The following DDX10 variants were observed in gnomAD, a reference collection of about 807,000 sequenced individuals.
DDX10 encodes the protein DEAD-box helicase 10, also known as probable ATP-dependent RNA helicase DDX10.
Under a neutral mutation model 104.3 loss-of-function variants are expected in DDX10, and 74 were observed. That is an observed-to-expected ratio of 0.71 (90% CI 0.59 to 0.86). The LOEUF is 0.86. Among genes scored for constraint, DDX10 ranks in the 40% least tolerant of loss-of-function variants. DDX10 has a pLI of 0.00. For synonymous variants in DDX10, 351 were observed against 353.4 expected (o/e 0.99, Z 0.08); for missense variants, 952 against 1,040.0 (o/e 0.92, Z 1.16).
intron 13 of DDX10, among the ~76,000 whole-genome samples, chr11:108,751,241 T>A (rs2094338350): frequency 6.6e-6 from 1 of 152,112 alleles, no homozygotes; most frequent in Admixed American, 6.6e-5. Context: ...AGTAAATATG[T>A]AAGTAAACCT....
At chr11:108,786,708 C>A (rs1362345144) in intron 13 of DDX10, among the ~76,000 whole-genome samples, 3 of 152,096 alleles carry the variant, frequency 2.0e-5, no homozygotes, top group African/African-American at 4.8e-5. Flanking sequence ...CATGATAGGT[C>A]TTTATTTTTA....
intron 1 of DDX10, among the ~76,000 whole-genome samples, chr11:108,671,397 C>T: frequency 6.6e-6 from 1 of 152,234 alleles, no homozygotes; most frequent in Non-Finnish European, 1.5e-5. Context: ...CTCCTGACCC[C>T]AGGTGATCCG....
chr11:108,855,140 T>C (rs1290379382), intron 16 of DDX10, among the ~76,000 whole-genome samples: 2 of 152,224 alleles, frequency 1.3e-5, no homozygotes, highest in Non-Finnish European at 1.5e-5. Flanking sequence ...GTTTTTACTT[T>C]AGCTAACAAG....
chr11:108,692,543 G>A (rs1029083271), intron 8 of DDX10, among the ~76,000 whole-genome samples: 1 of 152,182 alleles, frequency 6.6e-6, no homozygotes, highest in Admixed American at 6.5e-5. Flanking sequence ...AGGAAAACTA[G>A]ACTTAGGAAC....
At chr11:108,862,760 A>T (rs982555290) in intron 16 of DDX10, among the ~76,000 whole-genome samples, 1 of 152,170 alleles carries the variant, frequency 6.6e-6, no homozygotes, top group African/African-American at 2.4e-5. Context: ...TAAACTTATG[A>T]GGTGGTTTGG....
intron 16 of DDX10, among the ~76,000 whole-genome samples, chr11:108,858,166 T>C (rs1862895345): frequency 6.6e-6 from 1 of 152,226 alleles, no homozygotes; most frequent in Non-Finnish European, 1.5e-5. Flanking sequence ...CTGCCTAGGA[T>C]ATCTTCTCCT....
chr11:108,832,340 T>C (rs1862484249), intron 13 of DDX10, among the ~76,000 whole-genome samples: 1 of 152,136 alleles, frequency 6.6e-6, no homozygotes, highest in African/African-American at 2.4e-5. Context: ...TTACATAAAT[T>C]AAAAACTTCA....
intron 16 of DDX10, among the ~76,000 whole-genome samples, chr11:108,866,445 C>A (rs934508227): frequency 1.3e-5 from 2 of 152,016 alleles, no homozygotes. Flanking sequence ...ACTTTGGAGA[C>A]CATTTCAGTA....
intron 9 of DDX10, 30 bp from the exon 10 acceptor site, chr11:108,706,709 G>A (rs2094276647): frequency 6.6e-7 from 1 of 1,514,864 alleles, no homozygotes; most frequent in Admixed American, 1.7e-5. Flanking sequence ...TTGCATTGAT[G>A]TGTTAAAGAT....
chr11:108,919,212 G>C (rs1279087411), intron 17 of DDX10: 1 of 152,166 alleles, frequency 6.6e-6, no homozygotes, highest in African/African-American at 2.4e-5. Flanking sequence ...ACAACTAGGT[G>C]GTTGAACATA....
chr11:108,668,304 C>G (rs2094212595), intron 1 of DDX10, among the ~76,000 whole-genome samples: 1 of 152,152 alleles, frequency 6.6e-6, no homozygotes, highest in Non-Finnish European at 1.5e-5. Flanking sequence ...TAGTCTGATA[C>G]CAGTGCACCA....
intron 17 of DDX10, among the ~76,000 whole-genome samples, chr11:108,933,889 G>C (rs1864005131): frequency 2.0e-5 from 3 of 152,156 alleles, no homozygotes; most frequent in Admixed American, 2.0e-4. Flanking sequence ...CAGCCCAGTG[G>C]GTTTATTCAT....
rs61996353 is a variant in DDX10, at chr11:108,677,107, T to G, written c.401T>G (p.Leu134Arg). The change falls in exon 4 of 18, where the codon CTG becomes CGG. Residue 134 changes from leucine to arginine, a missense_variant. Around this residue, in one of 3 missense-constraint regions of DDX10, gnomAD observed 412 missense variants for 479.2 expected, o/e 0.86. Transcript: ENST00000322536. Reference sequence around the variant, plus strand: ...GAGGTGCTGGAAGCCTTATATCGTCTGCAATGGACTTCAACAGATGGGCTG... The same window carrying G: ...GAGGTGCTGGAAGCCTTATATCGTCGGCAATGGACTTCAACAGATGGGCTG... ...LVPVLEALYR[L>R]QWTSTDGLGV... 100 of 1,612,766 alleles carry G rather than the reference T, an allele frequency of 6.2e-5. No individual in the cohort carries two copies. In the African/African-American group the frequency reaches 1.1e-3, roughly 17 times the overall value.
At chr11:108,809,672 G>T (rs933394240) in intron 13 of DDX10, among the ~76,000 whole-genome samples, 2 of 152,160 alleles carry the variant, frequency 1.3e-5, no homozygotes, top group Non-Finnish European at 2.9e-5. Flanking sequence ...AGACACAGAC[G>T]TGATGAAGTC....
At chr11:108,865,631 C>A (rs150868398) in intron 16 of DDX10, among the ~76,000 whole-genome samples, 18 of 152,022 alleles carry the variant, frequency 1.2e-4, no homozygotes, top group African/African-American at 4.3e-4. Context: ...CATAGAGGAT[C>A]TCGAATACCA....
intron 10 of DDX10, among the ~76,000 whole-genome samples, chr11:108,712,440 T>C (rs1392611727): frequency 2.0e-5 from 3 of 152,130 alleles, no homozygotes; most frequent in Admixed American, 6.5e-5. Flanking sequence ...CTCCTTAGCA[T>C]ACCAGTTTTT....
chr11:108,716,060 G>A (rs2094290885), intron 11 of DDX10, 94 bp downstream of exon 11: 5 of 733,842 alleles, frequency 6.8e-6, no homozygotes, highest in Middle Eastern at 7.3e-4. Context: ...TTATGCTTCA[G>A]ATATTCAAGC....
intron 17 of DDX10, among the ~76,000 whole-genome samples, chr11:108,928,549 G>A (rs773979888): frequency 2.0e-5 from 3 of 152,192 alleles, no homozygotes; most frequent in Non-Finnish European, 4.4e-5. Context: ...TTAGAACAAA[G>A]GCAGGCTACT....
chr11:108,723,177 A>G lies in DDX10; in HGVS notation c.1680A>G (p.Gln560=), dbSNP rs1405647061. The G allele has an allele frequency of 1.2e-6, 2 of 1,613,714 alleles. No homozygotes were observed. The highest frequency in any genetic ancestry group is 1.6e-4 in the Middle Eastern group (1 of 6,082). Residue 560 remains glutamine, a synonymous_variant, in exon 13 of 18, where the codon CAA becomes CAG. Coordinates refer to ENST00000322536, the MANE Select transcript of DDX10 (RefSeq NM_004398.4). The part of the protein sequence containing the change: ...AYFNEKMSIL[Q]KGGKRLEGTE... ...TCAATGAGAAAATGTCCATCCTTCA[A>G]AAAGGTGGAAAAAGACTCGAAGGGA...
Sources: allele counts gnomAD v4.1 joint callset (sites outside exome capture counted in the v4.1 genomes callset), GRCh38; gene constraint gnomAD v4.1.1; regional missense constraint gnomAD v4.1.1; transcripts MANE v1.5; gene names NCBI Gene and HGNC (gene_info 2026-07-23, HGNC 2026-07-21).